PDGFRB: variants seen among roughly 807,000 people sequenced by gnomAD.
The protein encoded by PDGFRB is platelet-derived growth factor receptor beta.
PDGFRB carries 42 observed loss-of-function variants against 120.2 expected under a neutral mutation model. That is an observed-to-expected ratio of 0.35 (90% CI 0.27 to 0.45). PDGFRB has a LOEUF of 0.45. Among genes scored for constraint, PDGFRB ranks in the 20% least tolerant of loss-of-function variants. The pLI, the probability that PDGFRB is intolerant of heterozygous loss-of-function variation, is 1.00. For synonymous variants in PDGFRB, 586 were observed against 606.8 expected (o/e 0.97, Z 0.50); for missense variants, 1,149 against 1,476.3 (o/e 0.78, Z 3.63).
intron 20 of PDGFRB, 85 bp from the exon 21 acceptor site, chr5:150,118,937 T>C (rs1478634043): frequency 3.8e-6 from 3 of 783,822 alleles, no homozygotes; most frequent in Admixed American, 4.7e-5. Context: ...CTGCTGCCTC[T>C]CAGAACAAGG....
intron 22 of PDGFRB, among the ~76,000 whole-genome samples, chr5:150,117,133 C>T (rs937047335): frequency 1.8e-4 from 28 of 152,232 alleles, no homozygotes; most frequent in African/African-American, 6.8e-4. Flanking sequence ...AATCTCCTTC[C>T]CAGTCTGAAT....
rs2113893160 is a variant in PDGFRB at position 150,123,174 on chromosome 5, C to G, written c.2051G>C (p.Cys684Ser). Residue 684 changes from cysteine (C) to serine (S), a missense_variant, in exon 15 of 23, where the codon TGC (cysteine) becomes TCC (serine). Cys to Ser is a moderately radical substitution (Grantham distance 112, BLOSUM62 -1). Around this residue, in one of 3 missense-constraint regions of PDGFRB, gnomAD observed 879 missense variants for 1,108.6 expected, o/e 0.79. Transcript: ENST00000261799. Reference sequence around the variant, plus strand: ...GTAGTCCACCAGGTCTCCGTAGCGGCAGTACTCAGTGATGATATAGATGGG... The same window carrying G: ...GTAGTCCACCAGGTCTCCGTAGCGGGAGTACTCAGTGATGATATAGATGGG... ...GGPIYIITEY[C>S]RYGDLVDYLH... The G allele has an allele frequency of 6.2e-7, 1 of 1,613,660 alleles. No homozygotes were observed. Among genetic ancestry groups the G allele is most frequent in the Non-Finnish European group, 8.5e-7 (1 of 1,179,872 alleles).
chr5:150,150,160 A>G (rs967693748), intron 1 of PDGFRB, among the ~76,000 whole-genome samples: 1 of 152,172 alleles, frequency 6.6e-6, no homozygotes, highest in Admixed American at 6.5e-5. Flanking sequence ...GCCCTGAACC[A>G]CAGAGGTGGA....
intron 1 of PDGFRB, among the ~76,000 whole-genome samples, chr5:150,152,361 G>C (rs946813489): frequency 1.4e-4 from 21 of 152,212 alleles, no homozygotes; most frequent in Admixed American, 2.0e-4. Context: ...GTTGGTTCCT[G>C]TTATATCATC....
chr5:150,120,940 A>T lies in PDGFRB; in HGVS notation c.2534T>A (p.Phe845Tyr). 6.2e-7 allele frequency: 1 copy of T among 1,613,826 alleles called. No homozygotes were observed. The highest frequency in any genetic ancestry group is 8.5e-7 in the Non-Finnish European group (1 of 1,179,888). The change falls in exon 18 of 23, where the codon TTT becomes TAT. Residue 845 changes from phenylalanine to tyrosine, a missense_variant. By Grantham distance (22) the Phe-to-Tyr change is conservative. This residue lies in a region of PDGFRB where 68 missense variants were observed against 153.3 expected (regional missense o/e 0.44). Transcript: ENST00000261799. The surrounding 1 kb of genome is among the most constrained non-coding windows in gnomAD (Gnocchi z 4.3). ...CEGKLVKICD[F>Y]GLARDIMRDS... ...CCGCATGATGTCTCGAGCCAGGCCA[A>T]AGTCACAGATCTTGACCAGCTTGCC...
chr5:150,153,233 G>A (rs1202762528), intron 1 of PDGFRB, among the ~76,000 whole-genome samples: 1 of 152,190 alleles, frequency 6.6e-6, no homozygotes, highest in African/African-American at 2.4e-5. Flanking sequence ...CAGAGGAGGG[G>A]GGCTGCTGAT....
chr5:150,124,418 AC>A, intron 13 of PDGFRB, 58 bp from the exon 14 acceptor site: 1 of 1,245,782 alleles, frequency 8.0e-7, no homozygotes. Flanking sequence ...TGGAGGCCCC[AC>A]CACAGGAGCC....
rs759225744 is a variant in PDGFRB at position 150,123,065 on chromosome 5, C to T, written c.2160G>A (p.Leu720=). 1.2e-6 allele frequency: 2 copies of T among 1,613,508 alleles called. No individual in the cohort carries two copies. The highest frequency in any genetic ancestry group is 2.2e-5 in the South Asian group (2 of 91,074). The part of the protein sequence containing the change: ...PPSAELYSNA[L]PVGLPLPSHV... ...ACCTGGGCAGGGGGAGCCCAACGGG[C>T]AGAGCATTGCTGTAGAGCTCCGCGC... The change falls in exon 15 of 23, where the codon CTG becomes CTA. Residue 720 remains leucine (L), a synonymous_variant. Coordinates refer to ENST00000261799, the MANE Select transcript of PDGFRB (RefSeq NM_002609.4).
chr5:150,124,470 G>C (rs1296287910), intron 13 of PDGFRB, 110 bp from the exon 14 acceptor site: 1 of 803,806 alleles, frequency 1.2e-6, no homozygotes, highest in Non-Finnish European at 2.0e-6. Context: ...GCAAGACCCA[G>C]GCAGCCTGGC....
At chr5:150,125,212 C>T (rs1289178270) in intron 12 of PDGFRB, among the ~76,000 whole-genome samples, 4 of 152,178 alleles carry the variant, frequency 2.6e-5, no homozygotes, top group Non-Finnish European at 5.9e-5. Flanking sequence ...CCACTTTTGC[C>T]ACATAGGGAT....
intron 8 of PDGFRB, 85 bp downstream of exon 8, chr5:150,131,893 TG>T (rs1760475905): frequency 1.5e-6 from 1 of 687,404 alleles, no homozygotes; most frequent in Non-Finnish European, 2.6e-6. Context: ...ACTCCTCCCA[TG>T]GGTGGGTGGA....
At chr5:150,126,012 T>C (rs906077308) in intron 11 of PDGFRB, among the ~76,000 whole-genome samples, 15 of 152,170 alleles carry the variant, frequency 9.9e-5, no homozygotes, top group African/African-American at 2.4e-4. Flanking sequence ...TCTTAAGGTG[T>C]TGGAACCACA....
chr5:150,142,576 G>A (rs968245475), intron 1 of PDGFRB, among the ~76,000 whole-genome samples: 5 of 150,080 alleles, frequency 3.3e-5, no homozygotes, highest in African/African-American at 7.6e-5. Flanking sequence ...GGGGTGGGAA[G>A]TAAGAAGACC....
In PDGFRB at chr5:150,135,772, G is replaced by C; in HGVS notation, c.147C>G (p.Thr49=). 1 of 1,611,840 alleles carries C rather than the reference G, an allele frequency of 6.2e-7. No homozygotes were observed. The highest frequency in any genetic ancestry group is 8.5e-7 in the Non-Finnish European group (1 of 1,178,862). The change falls in exon 3 of 23, where the codon ACC becomes ACG. Residue 49 remains threonine (T), a synonymous_variant. Transcript: ENST00000261799. Reference sequence around the variant, plus strand: ...CTGAACCCGAGCAGGTCAGAACGAAGGTGCTGGAGACATTGAGGACAAGCT... The same window carrying C: ...CTGAACCCGAGCAGGTCAGAACGAACGTGCTGGAGACATTGAGGACAAGCT... The part of the protein sequence containing the change: ...GPELVLNVSS[T]FVLTCSGSAP...
rs568433970 is a variant in PDGFRB, at chr5:150,114,391, G to A, written c.*1372C>T. On this transcript the variant is annotated 3_prime_UTR_variant, in exon 23 of 23. Transcript: ENST00000261799. ...TGTCCTCACTGTCCATTCTGTCTTC[G>A]ACGCAGACCTCGGCACAGGTGCTGG... The A allele has an allele frequency of 3.4e-5, 8 of 233,298 alleles. No individual in the cohort carries two copies. The highest frequency in any genetic ancestry group is 1.8e-4 in the South Asian group (1 of 5,526). 14.5% of individuals were successfully genotyped at this position (233,298 alleles called of 1,614,324 possible).
intron 1 of PDGFRB, among the ~76,000 whole-genome samples, chr5:150,146,589 G>A (rs567399740): frequency 6.6e-6 from 1 of 152,180 alleles, no homozygotes; most frequent in South Asian, 2.1e-4. Context: ...TGTTGCCCAC[G>A]CTGGAGTACA....
chr5:150,144,639 G>A (rs751522107), intron 1 of PDGFRB, among the ~76,000 whole-genome samples: 22 of 152,216 alleles, frequency 1.4e-4, no homozygotes, highest in Non-Finnish European at 1.3e-4. Context: ...TGGGGGCAGC[G>A]ATGCGGCTGG....
chr5:150,149,951 C>G (rs933231781), intron 1 of PDGFRB, among the ~76,000 whole-genome samples: 2 of 152,204 alleles, frequency 1.3e-5, no homozygotes, highest in African/African-American at 4.8e-5. Flanking sequence ...AAGGGCAGAG[C>G]TGGATGGACC....
chr5:150,133,895 A>G lies in PDGFRB; in HGVS notation c.745T>C (p.Tyr249His). The G allele has an allele frequency of 6.2e-7, 1 of 1,614,076 alleles. No individual in the cohort carries two copies. Among genetic ancestry groups the G allele is most frequent in the Non-Finnish European group, 8.5e-7 (1 of 1,179,998 alleles). ...CCCCACATTACTTCTTTGCGGGGGT[A>G]TGTCCACTCGAAGTTGACCACCTCA... ...GNEVVNFEWT[Y>H]PRKESGRLVE... The change falls in exon 5 of 23, where the codon TAC becomes CAC. Residue 249 changes from tyrosine (Y) to histidine (H), a missense_variant. By Grantham distance (83) the Tyr-to-His change is moderately conservative. Transcript: ENST00000261799.
Sources: gnomAD v4.1 joint callset for allele counts (sites outside exome capture counted in the v4.1 genomes callset) on GRCh38, gnomAD v4.1.1 for gene constraint, gnomAD v4.1.1 regional missense constraint, Gnocchi (gnomAD v3.1) non-coding constraint, MANE v1.5 for transcripts, NCBI Gene and HGNC (gene_info 2026-07-23, HGNC 2026-07-21) for gene names.